KAZN: variants seen among roughly 807,000 people sequenced by gnomAD.
KAZN encodes the protein kazrin.
KAZN carries 40 observed loss-of-function variants against 87.4 expected under a neutral mutation model. The observed-to-expected ratio is 0.46, with a 90% CI of 0.36 to 0.60. KAZN has a LOEUF of 0.60. Among genes scored for constraint, KAZN ranks in the 20% least tolerant of loss-of-function variants. The pLI is 0.00. For synonymous variants in KAZN, 466 were observed against 458.3 expected, an observed-to-expected ratio of 1.02 and a Z score of -0.22; for missense variants, 898 against 1,073.9, an observed-to-expected ratio of 0.84 and a Z score of 2.29.
At chr1:15,032,834 A>G (rs1429813282) in intron 2 of KAZN, among the ~76,000 whole-genome samples, 1 of 152,090 alleles carries the variant, frequency 6.6e-6, no homozygotes, top group African/African-American at 2.4e-5. Context: ...CTGCAATCCC[A>G]GCTACTTGGG....
intron 2 of KAZN, among the ~76,000 whole-genome samples, chr1:14,516,247 C>T (rs987534424): frequency 1.3e-5 from 2 of 152,252 alleles, no homozygotes; most frequent in Non-Finnish European, 2.9e-5. Context: ...CCTGCTCTCT[C>T]TCATGATCTC....
At chr1:14,234,973 T>C (rs1485142772) in intron 2 of KAZN, among the ~76,000 whole-genome samples, 2 of 152,254 alleles carry the variant, frequency 1.3e-5, no homozygotes, top group Non-Finnish European at 2.9e-5. Flanking sequence ...GAAAATAGTT[T>C]GGTAGCTCCT....
intron 1 of KAZN, among the ~76,000 whole-genome samples, chr1:14,898,206 C>T (rs1222705430): frequency 6.6e-6 from 1 of 152,132 alleles, no homozygotes; most frequent in East Asian, 1.9e-4. Context: ...TCCATTATGC[C>T]ATTCTTGCTA....
chr1:14,276,314 GT>G (rs1652352352), intron 2 of KAZN, among the ~76,000 whole-genome samples: 1 of 151,966 alleles, frequency 6.6e-6, no homozygotes, highest in Non-Finnish European at 1.5e-5. Context: ...TTTATGGGTT[GT>G]TTTTTCAACT....
intron 1 of KAZN, among the ~76,000 whole-genome samples, chr1:14,782,879 C>T (rs553803014): frequency 3.9e-5 from 6 of 152,092 alleles, no homozygotes; most frequent in Non-Finnish European, 8.8e-5. Context: ...GCAGGCCTGG[C>T]GGCATCTGTA....
intron 1 of KAZN, among the ~76,000 whole-genome samples, chr1:14,623,328 T>C (rs1678861183): frequency 6.6e-6 from 1 of 152,182 alleles, no homozygotes; most frequent in South Asian, 2.1e-4. Context: ...GCCACATAGA[T>C]GGAACTGGAG....
chr1:14,970,789 A>G (rs2101834275), intron 2 of KAZN, among the ~76,000 whole-genome samples: 1 of 152,324 alleles, frequency 6.6e-6, no homozygotes, highest in East Asian at 1.9e-4. Context: ...TTGCAAATGC[A>G]CAGACACCCT....
intron 1 of KAZN, among the ~76,000 whole-genome samples, chr1:14,694,603 G>T (rs1409968082): frequency 6.6e-6 from 1 of 152,150 alleles, no homozygotes; most frequent in East Asian, 1.9e-4. Context: ...GGAGGAAGGG[G>T]CATTGGCCAG....
At chr1:14,502,389 C>G (rs1400844923) in intron 2 of KAZN, among the ~76,000 whole-genome samples, 1 of 152,174 alleles carries the variant, frequency 6.6e-6, no homozygotes, top group Non-Finnish European at 1.5e-5. Flanking sequence ...GAAGACAGAC[C>G]TGGTCCTTGC....
intron 2 of KAZN, among the ~76,000 whole-genome samples, chr1:14,395,563 T>C (rs762364448): frequency 1.3e-5 from 2 of 152,128 alleles, no homozygotes; most frequent in Non-Finnish European, 2.9e-5. Flanking sequence ...ACTAACTGGC[T>C]GTTGCAAAAG....
chr1:14,096,258 A>G (rs767308235), intron 1 of KAZN, among the ~76,000 whole-genome samples: 4 of 152,216 alleles, frequency 2.6e-5, no homozygotes, highest in Non-Finnish European at 4.4e-5. Flanking sequence ...ATTCAGAGAG[A>G]GGCAGGACAT....
chr1:13,895,361 G>T (rs948608993), intron 1 of KAZN, among the ~76,000 whole-genome samples: 6 of 152,092 alleles, frequency 3.9e-5, no homozygotes, highest in African/African-American at 1.4e-4. Flanking sequence ...CTGTGGGAAG[G>T]CACGTCGGAT....
At chr1:14,919,418 C>G (rs1175168495) in intron 1 of KAZN, among the ~76,000 whole-genome samples, 1 of 152,250 alleles carries the variant, frequency 6.6e-6, no homozygotes, top group African/African-American at 2.4e-5. Context: ...CTCAGGCGAT[C>G]CACCCGCCTT....
At chr1:15,061,257 G>C (rs1638771274) in intron 6 of KAZN, 1 of 152,230 alleles carries the variant, frequency 6.6e-6, no homozygotes, top group African/African-American at 2.4e-5. Context: ...TAACAGTGTT[G>C]CTTGGAAATC....
rs536600938 is a variant in KAZN, at chr1:14,820,826, G to T, written c.227-139858G>T. On this transcript the variant is annotated intron_variant, in intron 1 of 14. Transcript: ENST00000376030. This position sits in a 1 kb window ranked among gnomAD's most constrained non-coding sequence, Gnocchi z 4.1. ...GTGGGGAGTGAAGGGGGCCATGGCA[G>T]TCTGATGCAGGGAAGGGATACGCCC... Among the ~76,000 whole-genome samples the T allele has an allele frequency of 6.6e-6, 1 of 152,304 alleles. No homozygotes were observed. Among genetic ancestry groups the T allele is most frequent in the Non-Finnish European group, 1.5e-5 (1 of 68,030 alleles).
chr1:14,491,898 T>C (rs530325397), intron 2 of KAZN, among the ~76,000 whole-genome samples: 237 of 152,324 alleles, frequency 1.6e-3, no homozygotes, highest in African/African-American at 5.2e-3. Flanking sequence ...TTTTTGCTTG[T>C]ATTATTTAAC....
chr1:13,989,321 T>G (rs1639172793), intron 1 of KAZN, among the ~76,000 whole-genome samples: 1 of 152,040 alleles, frequency 6.6e-6, no homozygotes, highest in Admixed American at 6.5e-5. Flanking sequence ...ACCTACTATA[T>G]AAAAAGCACA....
chr1:14,156,311 C>A (rs1036893275), intron 1 of KAZN, among the ~76,000 whole-genome samples: 1 of 152,128 alleles, frequency 6.6e-6, no homozygotes, highest in Non-Finnish European at 1.5e-5. Context: ...GAATATTCTG[C>A]GGCTGTTGCA....
intron 2 of KAZN, among the ~76,000 whole-genome samples, chr1:14,257,944 A>G (rs1571159894): frequency 1.4e-5 from 1 of 71,052 alleles, no homozygotes; most frequent in African/African-American, 1.3e-4. Context: ...AGAGTATAAT[A>G]AAAAAAAAAA....
Sources: allele counts gnomAD v4.1 joint callset (sites outside exome capture counted in the v4.1 genomes callset), GRCh38; gene constraint gnomAD v4.1.1; non-coding constraint Gnocchi (gnomAD v3.1); transcripts MANE v1.5; gene names NCBI Gene and HGNC (gene_info 2026-07-23, HGNC 2026-07-21).